Variants in ZNF599 observed in about 807,000 individuals in gnomAD.
The protein encoded by ZNF599 is zinc finger protein 599.
A neutral mutation model predicts 11.7 loss-of-function variants in ZNF599; 10 were observed. The observed-to-expected ratio is 0.86, with a 90% CI of 0.53 to 1.45. The LOEUF (loss-of-function observed/expected upper bound fraction) is 1.45. Among genes scored for constraint, ZNF599 ranks in the 40% most tolerant of loss-of-function variants. The pLI, the probability that ZNF599 is intolerant of heterozygous loss-of-function variation, is 0.00. For missense variants in ZNF599, 688 were observed against 713.6 expected, an observed-to-expected ratio of 0.96 and a Z score of 0.41; for synonymous variants, 232 against 253.2, an observed-to-expected ratio of 0.92 and a Z score of 0.79.
chr19:34,803,135 T>C, the ZNF599 span, among the ~76,000 whole-genome samples: 1 of 152,294 alleles, frequency 6.6e-6, no homozygotes, highest in South Asian at 2.1e-4. Flanking sequence ...GCAAGACTCC[T>C]GATCCCCTTC....
the ZNF599 span, among the ~76,000 whole-genome samples, chr19:34,786,690 T>G: frequency 7.9e-5 from 12 of 152,084 alleles, no homozygotes; most frequent in Non-Finnish European, 1.6e-4. Context: ...GAAATATTGT[T>G]CCAATGTCTT....
chr19:34,780,570 A>G, the ZNF599 span, among the ~76,000 whole-genome samples: 2 of 149,714 alleles, frequency 1.3e-5, no homozygotes, highest in Non-Finnish European at 3.0e-5. Context: ...CAAAGAGAGA[A>G]AGAAAGAAAG....
chr19:34,760,586 C>A (rs776224158), intron 3 of ZNF599, 27 bp from the exon 4 acceptor site: 2 of 1,557,600 alleles, frequency 1.3e-6, no homozygotes, highest in African/African-American at 1.4e-5. Flanking sequence ...ATAAAAAAAA[C>A]TGAACATTAG....
chr19:34,777,713 G>T (rs953050628), upstream of ZNF599, among the ~76,000 whole-genome samples: 2 of 149,776 alleles, frequency 1.3e-5, no homozygotes, highest in African/African-American at 2.5e-5. Context: ...TCAGTTAAAT[G>T]AGCCAGTCAC....
At chr19:34,793,658 G>A in the ZNF599 span, among the ~76,000 whole-genome samples, 1 of 152,170 alleles carries the variant, frequency 6.6e-6, no homozygotes, top group Non-Finnish European at 1.5e-5. Context: ...GCCCAGGAGG[G>A]TTCTTGGTTT....
chr19:34,760,520 G>T lies in ZNF599; in HGVS notation c.281C>A (p.Ser94Tyr), dbSNP rs2069105966. The stretch of plus-strand genomic sequence containing the variant: ...GGATTCCTCAGAGAAGGCCAGCTGA[G>T]AAGCAGTAGGCTCTGTAATCTTGGG... Reference protein sequence around the residue: ...AKPKITEPTASQLAFSEESSF... With the variant: ...AKPKITEPTAYQLAFSEESSF... The change falls in exon 4 of 4, where the codon TCT becomes TAT. Residue 94 changes from serine to tyrosine, a missense_variant. Ser to Tyr is a moderately radical substitution (Grantham distance 144). Transcript: ENST00000329285. 1 of 1,613,872 alleles carries T rather than the reference G, an allele frequency of 6.2e-7. No individual in the cohort carries two copies. Among genetic ancestry groups the T allele is most frequent in the Middle Eastern group, 1.7e-4 (1 of 6,060 alleles).
At chr19:34,765,535 T>G in intron 3 of ZNF599, 1 of 702,388 alleles carries the variant, frequency 1.4e-6, no homozygotes, top group Non-Finnish European at 2.6e-6. Context: ...TACATATTAA[T>G]AGTAGATGGC....
the ZNF599 span, among the ~76,000 whole-genome samples, chr19:34,780,269 A>G: frequency 6.6e-6 from 1 of 152,110 alleles, no homozygotes; most frequent in East Asian, 1.9e-4. Context: ...GCATTTTGGG[A>G]GGCTAAGGTG....
upstream of ZNF599, among the ~76,000 whole-genome samples, chr19:34,777,480 TATATA>T (rs1209061797): frequency 1.9e-5 from 2 of 105,176 alleles, no homozygotes; most frequent in Admixed American, 1.4e-4. Flanking sequence ...TATTAATTAA[TATATA>T]ATATATGATA....
the ZNF599 span, among the ~76,000 whole-genome samples, chr19:34,785,406 T>C: frequency 2.6e-5 from 4 of 152,108 alleles, no homozygotes; most frequent in Admixed American, 2.6e-4. Flanking sequence ...GGGACCCTGT[T>C]AGGATCTCAG....
chr19:34,787,833 A>C, the ZNF599 span, among the ~76,000 whole-genome samples: 1 of 152,184 alleles, frequency 6.6e-6, no homozygotes, highest in African/African-American at 2.4e-5. Context: ...GAGAAAGGGG[A>C]TTCCTAAGCA....
chr19:34,770,527 A>C (rs1346832160), intron 1 of ZNF599, among the ~76,000 whole-genome samples: 1 of 152,240 alleles, frequency 6.6e-6, no homozygotes, highest in African/African-American at 2.4e-5. Flanking sequence ...GAGCTCAAAC[A>C]AAGTTTCCCT....
Position 34,760,111 on chromosome 19 carries a change from A to C in ZNF599, c.690T>G (p.Asn230Lys). 1 of 1,614,032 alleles carries C rather than the reference A, an allele frequency of 6.2e-7. No individual in the cohort carries two copies. Among genetic ancestry groups the C allele is most frequent in the East Asian group, 2.2e-5 (1 of 44,878 alleles). Residue 230 changes from asparagine to lysine, a missense_variant, in exon 4 of 4, where the codon AAT becomes AAG. Transcript: ENST00000329285. ...TATAACGACAGGCTTTCCCACACTC[A>C]TTGCACTCATAGGGCTTCACTCCAG... is the stretch of plus-strand genomic sequence containing the variant. Reference protein sequence around the residue: ...IHAGVKPYECNECGKACRYMA... With the variant: ...IHAGVKPYECKECGKACRYMA...
chr19:34,800,582 C>CTTTTTTTTTTTTTTT, the ZNF599 span, among the ~76,000 whole-genome samples: 1 of 73,836 alleles, frequency 1.4e-5, no homozygotes, highest in African/African-American at 4.9e-5. Context: ...CTAGCATTTC[C>CTTTTTTTTTTTTTTT]TTTGTTTTTT....
At chr19:34,772,640 G>A (rs2069190642) in intron 1 of ZNF599, 184 bp downstream of exon 1, 6 of 1,393,062 alleles carry the variant, frequency 4.3e-6, no homozygotes, top group East Asian at 3.0e-5. Flanking sequence ...CTCCTGTCCT[G>A]GATTCAGGAC....
Position 34,758,854 on chromosome 19 carries a change from ACCTG to A in ZNF599, c.*176_*179del. On this transcript the variant is annotated 3_prime_UTR_variant, in exon 4 of 4. Transcript: ENST00000329285. ...ATAATTCTTTGGATGACAAGTGATT[ACCTG>A]CCATAAAAAGATTTCACAGGGACAA... 1.6e-6 allele frequency: 1 copy of A among 613,286 alleles called. No individual in the cohort carries two copies. The highest frequency in any genetic ancestry group is 2.8e-6 in the Non-Finnish European group (1 of 358,702). 38.0% of individuals were successfully genotyped at this position (613,286 alleles called of 1,614,324 possible). A position where few individuals can be genotyped will look rare whatever the true frequency, so the allele number is the denominator to read the frequency against.
intron 1 of ZNF599, among the ~76,000 whole-genome samples, chr19:34,771,387 G>T (rs1362630444): frequency 6.6e-6 from 1 of 152,202 alleles, no homozygotes; most frequent in Non-Finnish European, 1.5e-5. Context: ...GAAAATGAAA[G>T]AATTTTACTC....
chr19:34,761,290 A>C (rs1005276628), intron 3 of ZNF599, among the ~76,000 whole-genome samples: 2 of 152,212 alleles, frequency 1.3e-5, no homozygotes, highest in Admixed American at 6.5e-5. Context: ...AATAGGTAAG[A>C]TCTACATGAA....
At chr19:34,780,734 GAGAA>G in the ZNF599 span, among the ~76,000 whole-genome samples, 24 of 148,000 alleles carry the variant, frequency 1.6e-4, no homozygotes, top group East Asian at 1.2e-3. Flanking sequence ...GAAAGAGAAA[GAGAA>G]AGAAAGCCAG....
Sources: gnomAD v4.1 joint callset for allele counts (sites outside exome capture counted in the v4.1 genomes callset) on GRCh38, gnomAD v4.1.1 for gene constraint, MANE v1.5 for transcripts, NCBI Gene and HGNC (gene_info 2026-07-23, HGNC 2026-07-21) for gene names.